The following CREB3L1 variants were observed in gnomAD, a reference collection of about 807,000 sequenced individuals.
The protein encoded by CREB3L1 is cAMP responsive element binding protein 3 like 1.
CREB3L1 carries 33 observed loss-of-function variants against 54.5 expected under a neutral mutation model. The ratio of observed to expected loss-of-function variants is 0.61; its 90% CI spans 0.46 to 0.81. CREB3L1 has a LOEUF of 0.81. Ranked by LOEUF, CREB3L1 falls within the 30% of genes least tolerant of loss-of-function variation. The pLI is 0.00. For missense variants in CREB3L1, 656 were observed against 673.3 expected (o/e 0.97, Z 0.29); for synonymous variants, 284 against 286.4 (o/e 0.99, Z 0.08).
intron 1 of CREB3L1, among the ~76,000 whole-genome samples, chr11:46,289,530 G>A (rs925545894): frequency 2.0e-5 from 3 of 152,242 alleles, no homozygotes; most frequent in Admixed American, 1.3e-4. Context: ...AGAACAGAGA[G>A]GGAGATTACT....
Position 46,290,249 on chromosome 11 carries a change from C to G in CREB3L1, c.103-9686C>G, listed in dbSNP as rs1566181556. Among the ~76,000 whole-genome samples the G allele has an allele frequency of 2.6e-5, 4 of 152,120 alleles. 1 individual carries two copies. The South Asian group carries it at 8.3e-4, about 31-fold the overall frequency. On this transcript the variant is annotated intron_variant, in intron 1 of 11. Transcript: ENST00000621158. ...CTGAACCATGTCCTGGCTCCTGGCCCAACACCAGGACCCTAACAAGATTCC... is the reference window on the plus strand; with the variant it reads ...CTGAACCATGTCCTGGCTCCTGGCCGAACACCAGGACCCTAACAAGATTCC...
rs751296822 is a variant in CREB3L1 at position 46,308,013 on chromosome 11, A to G, written c.516+13A>G. ...CATCCCCCACCAGGTGAGCCTGGGA[A>G]CTGTTTGTAGCGGCTGAGGGAGGGA... On this transcript the variant is annotated intron_variant, in intron 3 of 11. Transcript: ENST00000621158. The G allele has an allele frequency of 6.6e-7, 1 of 1,517,440 alleles. No individual in the cohort carries two copies. The highest frequency in any genetic ancestry group is 8.8e-7 in the Non-Finnish European group (1 of 1,132,330). The allele number at this position is 1,517,440 out of a possible 1,614,324, so 94.0% of individuals were successfully genotyped here.
intron 2 of CREB3L1, among the ~76,000 whole-genome samples, chr11:46,306,258 G>C (rs1427093044): frequency 6.6e-6 from 1 of 152,176 alleles, no homozygotes; most frequent in East Asian, 1.9e-4. Context: ...GCTCATGCCT[G>C]TAATCCCAGC....
At chr11:46,318,145 G>A (rs925096843) in intron 10 of CREB3L1, among the ~76,000 whole-genome samples, 28 of 152,072 alleles carry the variant, frequency 1.8e-4, no homozygotes, top group Admixed American at 7.2e-4. Flanking sequence ...TTGAAACTGG[G>A]AGGCAGAAGT....
chr11:46,321,068 A>G lies in CREB3L1; in HGVS notation c.*322A>G. ...CACCTGCACCCAAACAGACACATCA[A>G]CGCACCCCACTCACAGACACCCCTT... is the stretch of plus-strand genomic sequence containing the variant. On this transcript the variant is annotated 3_prime_UTR_variant, in exon 12 of 12. Coordinates refer to ENST00000621158, the MANE Select transcript of CREB3L1 (RefSeq NM_052854.4). 1 of 562,316 alleles carries G rather than the reference A, an allele frequency of 1.8e-6. No individual in the cohort carries two copies. Among genetic ancestry groups the G allele is most frequent in the South Asian group, 1.9e-5 (1 of 53,008 alleles). 34.8% of individuals were successfully genotyped at this position (562,316 alleles called of 1,614,324 possible).
chr11:46,300,167 A>G lies in CREB3L1; in HGVS notation c.331+4A>G. 1 of 1,606,164 alleles carries G rather than the reference A, an allele frequency of 6.2e-7. No homozygotes were observed. The highest frequency in any genetic ancestry group is 8.5e-7 in the Non-Finnish European group (1 of 1,175,416). ...AAGATGGAGGACACCACCCAAGGTA[A>G]GAGGTGGAAGAACCTGGGGACAGCA... On this transcript the variant is annotated splice_donor_region_variant and intron_variant, in intron 2 of 11. Transcript: ENST00000621158.
Position 46,321,116 on chromosome 11 carries a change from A to G in CREB3L1, c.*370A>G. 1 of 473,686 alleles carries G rather than the reference A, an allele frequency of 2.1e-6. No individual in the cohort carries two copies. The highest frequency in any genetic ancestry group is 2.6e-5 in the South Asian group (1 of 38,548). The allele number at this position is 473,686 out of a possible 1,614,324, so 29.3% of individuals were successfully genotyped here. On this transcript the variant is annotated 3_prime_UTR_variant, in exon 12 of 12. Transcript: ENST00000621158. Reference sequence around the variant, plus strand: ...CTTACCCCACCCCCACTGTACAGAGACCAAGAACAGAAATTGTTTGTAAAT... The same window carrying G: ...CTTACCCCACCCCCACTGTACAGAGGCCAAGAACAGAAATTGTTTGTAAAT...
intron 3 of CREB3L1, among the ~76,000 whole-genome samples, chr11:46,309,538 G>A (rs1263163606): frequency 6.6e-6 from 1 of 152,146 alleles, no homozygotes; most frequent in African/African-American, 2.4e-5. Flanking sequence ...TATACCCCGG[G>A]ACTCATTTCA....
chr11:46,303,006 G>C (rs892870024), intron 2 of CREB3L1, among the ~76,000 whole-genome samples: 4 of 152,126 alleles, frequency 2.6e-5, no homozygotes, highest in African/African-American at 9.7e-5. Context: ...AGAAAACTGA[G>C]ACTTCACAAA....
chr11:46,282,940 T>C (rs1939000932), intron 1 of CREB3L1, among the ~76,000 whole-genome samples: 1 of 152,102 alleles, frequency 6.6e-6, no homozygotes, highest in Admixed American at 6.6e-5. Context: ...GTAATCTCAA[T>C]GCTTTGGGAG....
chr11:46,293,032 C>T (rs1476698912), intron 1 of CREB3L1, among the ~76,000 whole-genome samples: 2 of 152,218 alleles, frequency 1.3e-5, no homozygotes, highest in African/African-American at 4.8e-5. Context: ...CTTTTGAGAG[C>T]AGGAACTGGA....
At chr11:46,302,487 C>G (rs1331162992) in intron 2 of CREB3L1, among the ~76,000 whole-genome samples, 1 of 152,162 alleles carries the variant, frequency 6.6e-6, no homozygotes, top group Non-Finnish European at 1.5e-5. Flanking sequence ...GGCTCTGTCG[C>G]TTTTGGCTAC....
intron 1 of CREB3L1, among the ~76,000 whole-genome samples, chr11:46,292,576 A>T (rs1004426741): frequency 2.0e-5 from 3 of 152,226 alleles, no homozygotes; most frequent in Non-Finnish European, 4.4e-5. Context: ...GATGATGAGT[A>T]CAAGTTCCTC....
At chr11:46,284,000 G>A (rs1490399803) in intron 1 of CREB3L1, among the ~76,000 whole-genome samples, 1 of 152,160 alleles carries the variant, frequency 6.6e-6, no homozygotes, top group Non-Finnish European at 1.5e-5. Context: ...CAGAAGTGCT[G>A]TCTGTGCCCC....
intron 2 of CREB3L1, among the ~76,000 whole-genome samples, chr11:46,306,881 T>C (rs1391726516): frequency 2.0e-5 from 3 of 148,040 alleles, no homozygotes; most frequent in Non-Finnish European, 3.0e-5. Flanking sequence ...TTCTCTCTCT[T>C]TTTTTTTTTT....
Position 46,320,276 on chromosome 11 carries a change from G to T in CREB3L1, c.1271G>T (p.Ser424Ile), listed in dbSNP as rs1939628568. ...ACTCCCTCTCCAGTGCCCTCCCGAA[G>T]CCTCCTATTCTACGATGACGGGGCA... ...VYTASQMPSR[S>I]LLFYDDGAGL... The change falls in exon 11 of 12, where the codon AGC becomes ATC. Residue 424 changes from serine (S) to isoleucine (I), a missense_variant. Physicochemically the swap from Ser to Ile is moderately radical, Grantham distance 142. This residue lies in a region of CREB3L1 where 240 missense variants were observed against 219.8 expected (regional missense o/e 1.09). Coordinates refer to ENST00000621158, the MANE Select transcript of CREB3L1 (RefSeq NM_052854.4). 6.2e-7 allele frequency: 1 copy of T among 1,605,952 alleles called. No individual in the cohort carries two copies. Among genetic ancestry groups the T allele is most frequent in the South Asian group, 1.1e-5 (1 of 90,430 alleles).
In CREB3L1 at chr11:46,292,073, G is replaced by A. The variant is rs574582059; in HGVS notation, c.103-7862G>A. 7.0e-3 allele frequency among the ~76,000 whole-genome samples: 1,062 copies of A among 152,300 alleles called. 8 individuals are homozygous for A. The highest frequency in any genetic ancestry group is 0.025 in the African/African-American group (1,025 of 41,570). On this transcript the variant is annotated intron_variant, in intron 1 of 11. Transcript: ENST00000621158. ...CACTGTGTTCTGTTTATACCCTTAGGCCTGACAGGGTCTGGGGGGACAGCA... is the reference window on the plus strand; with the variant it reads ...CACTGTGTTCTGTTTATACCCTTAGACCTGACAGGGTCTGGGGGGACAGCA...
intron 10 of CREB3L1, among the ~76,000 whole-genome samples, chr11:46,319,856 G>T (rs1939620485): frequency 6.6e-6 from 1 of 150,480 alleles, no homozygotes; most frequent in South Asian, 2.1e-4. Flanking sequence ...TCCAGCCTGG[G>T]CGACAGAGCA....
At chr11:46,316,159 C>T in intron 8 of CREB3L1, 127 bp from the exon 9 acceptor site, 1 of 637,574 alleles carries the variant, frequency 1.6e-6, no homozygotes, top group Non-Finnish European at 2.8e-6. Flanking sequence ...GGTGACCTTT[C>T]CTATCTTGAC....
Sources: allele counts gnomAD v4.1 joint callset (sites outside exome capture counted in the v4.1 genomes callset), GRCh38; gene constraint gnomAD v4.1.1; regional missense constraint gnomAD v4.1.1; transcripts MANE v1.5; gene names NCBI Gene and HGNC (gene_info 2026-07-23, HGNC 2026-07-21).